The following MYO5A variants were observed in gnomAD, a reference collection of about 807,000 sequenced individuals.
MYO5A encodes the protein unconventional myosin-Va.
In MYO5A, 98 loss-of-function variants were observed where a neutral mutation model predicts 249.7. That is an observed-to-expected ratio of 0.39 (90% CI 0.33 to 0.46). The LOEUF is 0.46. MYO5A is among the 20% of genes least tolerant of loss of function. MYO5A has a pLI of 0.98. For missense variants in MYO5A, 1,696 were observed against 2,308.8 expected (o/e 0.73, Z 5.44); for synonymous variants, 778 against 810.6 (o/e 0.96, Z 0.68).
chr15:52,315,927 G>C (rs114980097), intron 40 of MYO5A, among the ~76,000 whole-genome samples: 1 of 151,934 alleles, frequency 6.6e-6, no homozygotes, highest in African/African-American at 2.4e-5. Context: ...TATGTTGTAG[G>C]ATATATGATG....
At chr15:52,444,752 A>G (rs976314332) in intron 1 of MYO5A, among the ~76,000 whole-genome samples, 16 of 152,208 alleles carry the variant, frequency 1.1e-4, no homozygotes, top group African/African-American at 3.9e-4. Flanking sequence ...AAATATGTAC[A>G]GGCCTCTTTA....
At chr15:52,341,169 C>A (rs2039365006) in intron 31 of MYO5A, among the ~76,000 whole-genome samples, 1 of 152,160 alleles carries the variant, frequency 6.6e-6, no homozygotes, top group Admixed American at 6.5e-5. Context: ...GTTACTAATT[C>A]CAGGCAGAGG....
intron 1 of MYO5A, among the ~76,000 whole-genome samples, chr15:52,454,279 TATAATG>T (rs2076076219): frequency 6.6e-6 from 1 of 152,178 alleles, no homozygotes; most frequent in Non-Finnish European, 1.5e-5. Flanking sequence ...AAGGTCACTA[TATAATG>T]ATAAAGGGAT....
intron 1 of MYO5A, among the ~76,000 whole-genome samples, chr15:52,481,381 T>C (rs545405860): frequency 6.2e-4 from 95 of 152,374 alleles, no homozygotes; most frequent in African/African-American, 2.1e-3. Context: ...GTATTTAGTA[T>C]GTGTATATTC....
Position 52,474,065 on chromosome 15 carries a change from T to C in MYO5A, c.28-40780A>G, listed in dbSNP as rs145709284. 9.3e-4 allele frequency among the ~76,000 whole-genome samples: 141 copies of C among 152,342 alleles called. 1 individual carries two copies. The highest frequency in any genetic ancestry group is 3.2e-3 in the African/African-American group (131 of 41,564). On this transcript the variant is annotated intron_variant, in intron 1 of 41. Transcript: ENST00000399233. ...CATGTTTGTGTCCTCTTCTATTTCA[T>C]TGAGCAGTGGTTTGTAGTTCTCCTT...
At chr15:52,493,554 C>T (rs58388195) in intron 1 of MYO5A, among the ~76,000 whole-genome samples, 22,419 of 151,770 alleles carry the variant, frequency 0.15, 1,780 homozygotes, top group Middle Eastern at 0.22. Context: ...CCCAGCTACT[C>T]GGGAGGCTGA....
At chr15:52,515,195 T>C (rs758596059) in intron 1 of MYO5A, among the ~76,000 whole-genome samples, 1 of 151,832 alleles carries the variant, frequency 6.6e-6, no homozygotes. Flanking sequence ...GAAGGATTAG[T>C]TAGCTCACAA....
intron 5 of MYO5A, among the ~76,000 whole-genome samples, chr15:52,415,565 GAACAAC>G (rs142751131): frequency 6.6e-6 from 1 of 151,828 alleles, no homozygotes; most frequent in Non-Finnish European, 1.5e-5. Flanking sequence ...GTGCTTGACA[GAACAAC>G]AACAACAACA....
In MYO5A at chr15:52,383,311, C is replaced by T. The variant is rs566356837; in HGVS notation, c.1915-123G>A. On this transcript the variant is annotated intron_variant, in intron 15 of 41. Transcript: ENST00000399233. ...AAAACTTTGCCACTTATAAACTTGA[C>T]CCATCTTCAGAAGAGGAGCTGCCAC... 740 of 805,060 alleles carry T rather than the reference C, an allele frequency of 9.2e-4. 5 individuals carry two copies. Among genetic ancestry groups the T allele is most frequent in the South Asian group, 8.4e-3 (591 of 70,392 alleles). 49.9% of individuals were successfully genotyped at this position (805,060 alleles called of 1,614,324 possible).
chr15:52,520,967 CGCCAGTAATCTCAGCACTTTGGGAG>C (rs1467185612), intron 1 of MYO5A, among the ~76,000 whole-genome samples: 1 of 152,090 alleles, frequency 6.6e-6, no homozygotes, highest in Non-Finnish European at 1.5e-5. Flanking sequence ...CAGTGGTTCA[CGCCAGTAATCTCAGCACTTTGGGAG>C]GCCGAGGCAG....
intron 1 of MYO5A, among the ~76,000 whole-genome samples, chr15:52,474,617 A>G (rs1317898876): frequency 1.3e-5 from 2 of 152,124 alleles, no homozygotes; most frequent in Non-Finnish European, 2.9e-5. Context: ...GAATTTTGTC[A>G]AAGGCCTTTT....
rs190471076 is a variant in MYO5A, at chr15:52,456,878, A to C, written c.28-23593T>G. Among the ~76,000 whole-genome samples, 12 of 152,312 alleles carry C rather than the reference A, an allele frequency of 7.9e-5. No homozygotes were observed. The East Asian group carries it at 2.3e-3, about 29-fold the overall frequency. ...AAACTTGTAGAAGTAAGCATTGGGC[A>C]AACATTCCAGGACATCAGTCTAGAT... On this transcript the variant is annotated intron_variant, in intron 1 of 41. Coordinates refer to ENST00000399233, the MANE Select transcript of MYO5A (RefSeq NM_001382347.1).
intron 24 of MYO5A, among the ~76,000 whole-genome samples, chr15:52,363,747 C>A (rs2040660252): frequency 6.6e-6 from 1 of 152,066 alleles, no homozygotes; most frequent in African/African-American, 2.4e-5. Context: ...TTCCTGATAG[C>A]AGGATACATG....
chr15:52,345,756 T>C (rs999221906), intron 30 of MYO5A, among the ~76,000 whole-genome samples: 3 of 152,154 alleles, frequency 2.0e-5, no homozygotes, highest in African/African-American at 7.2e-5. Flanking sequence ...GCAATATTCT[T>C]CAGTTTATAA....
At chr15:52,411,435 A>C (rs1200430543) in intron 5 of MYO5A, among the ~76,000 whole-genome samples, 1 of 152,212 alleles carries the variant, frequency 6.6e-6, no homozygotes, top group Non-Finnish European at 1.5e-5. Flanking sequence ...AATACAGAGA[A>C]TATAACTTGC....
At chr15:52,460,671 G>A (rs569713393) in intron 1 of MYO5A, among the ~76,000 whole-genome samples, 44 of 152,230 alleles carry the variant, frequency 2.9e-4, no homozygotes, top group Middle Eastern at 6.8e-3. Context: ...GGGCGAGGGC[G>A]AGGGCGAGGC....
intron 1 of MYO5A, among the ~76,000 whole-genome samples, chr15:52,518,730 G>C (rs1469354400): frequency 6.6e-6 from 1 of 152,182 alleles, no homozygotes; most frequent in Non-Finnish European, 1.5e-5. Context: ...AACTAAGGTT[G>C]AACTAGTCTA....
chr15:52,505,601 C>T, intron 1 of MYO5A: 1 of 1,426,314 alleles, frequency 7.0e-7, no homozygotes, highest in Non-Finnish European at 9.9e-7. Context: ...GCACTTGTTT[C>T]CAAGTCTTCC....
At chr15:52,477,795 G>A (rs996011961) in intron 1 of MYO5A, among the ~76,000 whole-genome samples, 14 of 152,116 alleles carry the variant, frequency 9.2e-5, no homozygotes, top group African/African-American at 2.2e-4. Context: ...AGGTGCACCC[G>A]GCCGTATGAG....
Sources: gnomAD v4.1 joint callset for allele counts (sites outside exome capture counted in the v4.1 genomes callset) on GRCh38, gnomAD v4.1.1 for gene constraint, MANE v1.5 for transcripts, NCBI Gene and HGNC (gene_info 2026-07-23, HGNC 2026-07-21) for gene names.